The following HSD17B14 variants were observed in gnomAD, a reference collection of about 807,000 sequenced individuals.
HSD17B14 encodes hydroxysteroid 17-beta dehydrogenase 14, also known as L-fucose dehydrogenase.
In HSD17B14, 32 loss-of-function variants were observed where a neutral mutation model predicts 32.2. The observed-to-expected ratio is 0.99, with a 90% CI of 0.75 to 1.33. The LOEUF is 1.33. Ranked by LOEUF, HSD17B14 falls within the 40% of genes most tolerant of loss-of-function variation. The probability of loss-of-function intolerance (pLI) is 0.00; values close to 1 mark genes in which losing one functional copy is unlikely to be tolerated. For missense variants in HSD17B14, 370 were observed against 366.5 expected, an observed-to-expected ratio of 1.01 and a Z score of -0.08; for synonymous variants, 140 against 155.4, an observed-to-expected ratio of 0.90 and a Z score of 0.74.
intron 5 of HSD17B14, among the ~76,000 whole-genome samples, chr19:48,826,524 A>C (rs1437642339): frequency 3.0e-4 from 1 of 3,320 alleles, no homozygotes; most frequent in Non-Finnish European, 7.8e-4. Flanking sequence ...AAAGAAAAGA[A>C]GAAAATATAT....
At chr19:48,830,253 G>A (rs1288570207) in intron 5 of HSD17B14, among the ~76,000 whole-genome samples, 2 of 152,054 alleles carry the variant, frequency 1.3e-5, no homozygotes, top group East Asian at 3.9e-4. Context: ...AAGATACTGT[G>A]GCAAGTTATA....
At position 48,813,681 on chromosome 19, in the gene HSD17B14, T is replaced by C. The variant is rs563318838; in HGVS notation, c.524A>G (p.Tyr175Cys). Residue 175 changes from tyrosine (Y) to cysteine (C), a missense_variant, in exon 7 of 9, where the codon TAT (tyrosine) becomes TGT (cysteine). By Grantham distance (194) the Tyr-to-Cys change is radical. Coordinates refer to ENST00000263278, the MANE Select transcript of HSD17B14 (RefSeq NM_016246.3). The stretch of plus-strand genomic sequence containing the variant: ...AGCTCACCAGTTGACTCGGACACCA[T>C]ATGGACTTTCATCCAGGGCCAAAGC... Reference protein sequence around the residue: ...TKALALDESPYGVRVNCISPG... With the variant: ...TKALALDESPCGVRVNCISPG... The C allele has an allele frequency of 2.5e-6, 4 of 1,614,100 alleles. No individual in the cohort carries two copies. The highest frequency in any genetic ancestry group is 1.7e-5 in the Admixed American group (1 of 60,008).
intron 5 of HSD17B14, among the ~76,000 whole-genome samples, chr19:48,825,915 G>C (rs1026863287): frequency 6.6e-6 from 1 of 151,640 alleles, no homozygotes; most frequent in African/African-American, 2.4e-5. Context: ...CCGCCTCCTG[G>C]GTTCACGCCA....
intron 6 of HSD17B14, 94 bp from the exon 7 acceptor site, chr19:48,813,824 G>C: frequency 7.2e-7 from 1 of 1,393,254 alleles, no homozygotes; most frequent in South Asian, 1.2e-5. Flanking sequence ...GCATCAGAAT[G>C]GGGAAGTCAT....
chr19:48,826,209 T>C (rs1034180593), intron 5 of HSD17B14, among the ~76,000 whole-genome samples: 2 of 151,778 alleles, frequency 1.3e-5, no homozygotes, highest in African/African-American at 4.8e-5. Context: ...TGAAAAAAGA[T>C]AGGCCGGACA....
intron 2 of HSD17B14, 71 bp from the exon 3 acceptor site, chr19:48,834,429 C>T: frequency 1.0e-6 from 1 of 960,840 alleles, no homozygotes; most frequent in Non-Finnish European, 1.6e-6. Context: ...ACTTGGACTC[C>T]TGGGTCTGAG....
In HSD17B14 at chr19:48,835,810, T is replaced by G. The variant is rs1332639506; in HGVS notation, c.122A>C (p.Lys41Thr). The G allele has an allele frequency of 6.2e-7, 1 of 1,613,626 alleles. No homozygotes were observed. Among genetic ancestry groups the G allele is most frequent in the Non-Finnish European group, 8.5e-7 (1 of 1,179,720 alleles). ...GCTGAGGGACCGTCACTCACCATCC[T>G]TGTCGCAGATAACCACTCGGGCCCC... is the stretch of plus-strand genomic sequence containing the variant. Reference protein sequence around the residue: ...NSGARVVICDKDESGGRALEQ... With the variant: ...NSGARVVICDTDESGGRALEQ... The change falls in exon 2 of 9, where the codon AAG becomes ACG. Residue 41 changes from lysine to threonine, a missense_variant. Transcript: ENST00000263278.
At chr19:48,816,311 G>A (rs1391791156) in intron 5 of HSD17B14, among the ~76,000 whole-genome samples, 7 of 152,074 alleles carry the variant, frequency 4.6e-5, no homozygotes, top group Non-Finnish European at 1.0e-4. Context: ...CTCCCTGCCC[G>A]GTTCCCCCCA....
At chr19:48,834,213 C>A (rs907362195) in intron 3 of HSD17B14, 63 bp downstream of exon 3, 3 of 1,356,646 alleles carry the variant, frequency 2.2e-6, no homozygotes, top group Non-Finnish European at 3.2e-6. Flanking sequence ...ATGCAAATGG[C>A]TGGAGGAGAA....
intron 5 of HSD17B14, among the ~76,000 whole-genome samples, chr19:48,821,213 C>A (rs2035143069): frequency 6.6e-6 from 1 of 152,006 alleles, no homozygotes; most frequent in Non-Finnish European, 1.5e-5. Flanking sequence ...CGGGGTTTCA[C>A]CATGTTAGCC....
intron 5 of HSD17B14, among the ~76,000 whole-genome samples, chr19:48,817,921 A>G (rs2122746748): frequency 6.6e-6 from 1 of 152,326 alleles, no homozygotes; most frequent in African/African-American, 2.4e-5. Context: ...TGACGCCCGC[A>G]GGGCATCACG....
At chr19:48,822,523 G>GATGATTGTGGTA in intron 5 of HSD17B14, among the ~76,000 whole-genome samples, 1 of 151,442 alleles carries the variant, frequency 6.6e-6, no homozygotes. Flanking sequence ...TGGTGATGGT[G>GATGATTGTGGTA]ATGACTGTGG....
chr19:48,814,156 C>T (rs980657310), intron 6 of HSD17B14, among the ~76,000 whole-genome samples: 2 of 150,464 alleles, frequency 1.3e-5, no homozygotes, highest in Non-Finnish European at 3.0e-5. Flanking sequence ...GATCATGCCA[C>T]CACACTGCAA....
chr19:48,833,417 T>C (rs1260482726), intron 3 of HSD17B14, among the ~76,000 whole-genome samples: 1 of 152,146 alleles, frequency 6.6e-6, no homozygotes, highest in African/African-American at 2.4e-5. Context: ...ACAGGCCACG[T>C]GCAGTGGCTC....
chr19:48,831,574 G>T, intron 5 of HSD17B14, 94 bp downstream of exon 5: 1 of 888,058 alleles, frequency 1.1e-6, no homozygotes, highest in Non-Finnish European at 1.9e-6. Flanking sequence ...CAAATAAAAA[G>T]AACGGAAAAC....
At chr19:48,835,421 T>C (rs1298171002) in intron 2 of HSD17B14, among the ~76,000 whole-genome samples, 1 of 129,046 alleles carries the variant, frequency 7.7e-6, no homozygotes, top group Non-Finnish European at 1.6e-5. Context: ...GGGCCTGGAC[T>C]CCTGGGTCTG....
intron 3 of HSD17B14, 95 bp downstream of exon 3, chr19:48,834,181 G>T (rs2035404148): frequency 9.9e-7 from 1 of 1,011,814 alleles, no homozygotes; most frequent in Non-Finnish European, 1.5e-6. Context: ...AGGAGAGGAA[G>T]GAAAAGTAGA....
chr19:48,828,144 G>A (rs1055209576), intron 5 of HSD17B14, among the ~76,000 whole-genome samples: 6 of 152,188 alleles, frequency 3.9e-5, no homozygotes, highest in Admixed American at 1.3e-4. Flanking sequence ...ATGAGGTGCC[G>A]CGCCCGGCCA....
chr19:48,834,542 G>T (rs2035432577), intron 2 of HSD17B14, among the ~76,000 whole-genome samples, 184 bp from the exon 3 acceptor site: 1 of 93,524 alleles, frequency 1.1e-5, no homozygotes, highest in Non-Finnish European at 1.9e-5. Flanking sequence ...TGGACTCCTG[G>T]GTCTGAGGGA....
Sources: allele counts gnomAD v4.1 joint callset (sites outside exome capture counted in the v4.1 genomes callset), GRCh38; gene constraint gnomAD v4.1.1; transcripts MANE v1.5; gene names NCBI Gene and HGNC (gene_info 2026-07-23, HGNC 2026-07-21).